Variants in SOX5 observed in about 807,000 individuals in gnomAD.
SOX5 encodes the protein SRY-box transcription factor 5.
A neutral mutation model predicts 92.0 loss-of-function variants in SOX5; 9 were observed. The ratio of observed to expected loss-of-function variants is 0.10; its 90% CI spans 0.06 to 0.17. The LOEUF is 0.17. SOX5 is among the 10% of genes least tolerant of loss of function. SOX5 has a pLI of 1.00. For synonymous variants in SOX5, 344 were observed against 336.3 expected (o/e 1.02, Z -0.25); for missense variants, 642 against 944.5 (o/e 0.68, Z 4.20).
At chr12:24,041,775 T>C (rs528940181) in intron 4 of SOX5, among the ~76,000 whole-genome samples, 49 of 152,216 alleles carry the variant, frequency 3.2e-4, no homozygotes, top group African/African-American at 1.2e-3. Flanking sequence ...ATAATAACAT[T>C]AGATAACATT....
chr12:23,626,717 A>C (rs1272825044), intron 8 of SOX5, among the ~76,000 whole-genome samples: 2 of 133,012 alleles, frequency 1.5e-5, no homozygotes. Context: ...CATGAGATAT[A>C]GGTAGATAGC....
chr12:23,731,676 C>T (rs1050152423), intron 6 of SOX5, among the ~76,000 whole-genome samples: 1 of 152,156 alleles, frequency 6.6e-6, no homozygotes. Context: ...CCAGCTCTAA[C>T]TCTTATCAAT....
In SOX5 at chr12:24,506,784, C is replaced by CTTTTTTTTT. The variant is rs386375924; in HGVS notation, c.-251+55536_-251+55544dup. Among the ~76,000 whole-genome samples, 82 of 81,762 alleles carry CTTTTTTTTT rather than the reference C, an allele frequency of 1.0e-3. 5 individuals are homozygous for CTTTTTTTTT. Among genetic ancestry groups the CTTTTTTTTT allele is most frequent in the Non-Finnish European group, 1.2e-3 (56 of 45,146 alleles). 53.6% of individuals were successfully genotyped at this position (81,762 alleles called of 152,430 possible). ...CTGTATTTCATGGTATCCAAATGGT[C>CTTTTTTTTT]TTTTTTTTTTTTTTTTTTTTTTGGA... is the stretch of plus-strand genomic sequence containing the variant. On this transcript the variant is annotated intron_variant, in intron 1 of 4. Coordinates refer to the SOX5 transcript ENST00000446891.
chr12:24,039,820 A>G (rs1956357203), intron 4 of SOX5, among the ~76,000 whole-genome samples: 1 of 152,220 alleles, frequency 6.6e-6, no homozygotes, highest in Non-Finnish European at 1.5e-5. Flanking sequence ...TAATCAAGGA[A>G]AAGTCATTCA....
At chr12:23,686,306 T>C (rs2087573939) in intron 6 of SOX5, among the ~76,000 whole-genome samples, 1 of 152,224 alleles carries the variant, frequency 6.6e-6, no homozygotes, top group Non-Finnish European at 1.5e-5. Context: ...GGGCCAATTT[T>C]CCAATGTTAT....
intron 4 of SOX5, among the ~76,000 whole-genome samples, chr12:24,122,593 A>C (rs1354433616): frequency 6.6e-6 from 1 of 152,212 alleles, no homozygotes; most frequent in Non-Finnish European, 1.5e-5. Flanking sequence ...CAGAATGTTT[A>C]ATCTATATCC....
intron 6 of SOX5, among the ~76,000 whole-genome samples, chr12:23,701,798 AG>A (rs927083285): frequency 9.9e-5 from 15 of 152,084 alleles, no homozygotes; most frequent in African/African-American, 2.9e-4. Flanking sequence ...TCACGGATCA[AG>A]GGGAGCTCCT....
intron 6 of SOX5, among the ~76,000 whole-genome samples, chr12:23,721,860 T>C (rs2092834940): frequency 6.6e-6 from 1 of 152,198 alleles, no homozygotes; most frequent in Non-Finnish European, 1.5e-5. Flanking sequence ...TCCATGAATA[T>C]GGTTATTATT....
intron 3 of SOX5, among the ~76,000 whole-genome samples, chr12:23,766,227 C>T (rs1217726310): frequency 6.6e-6 from 1 of 152,116 alleles, no homozygotes; most frequent in Non-Finnish European, 1.5e-5. Context: ...GGAGCAGTTT[C>T]TCATCTTGTC....
chr12:23,777,877 C>G (rs1185920494), intron 3 of SOX5, among the ~76,000 whole-genome samples: 1 of 152,204 alleles, frequency 6.6e-6, no homozygotes, highest in African/African-American at 2.4e-5. Context: ...GATGAGATTG[C>G]TATTCCCTTA....
At chr12:24,269,679 A>G (rs1253472480) in intron 3 of SOX5, among the ~76,000 whole-genome samples, 1 of 120,682 alleles carries the variant, frequency 8.3e-6, no homozygotes, top group South Asian at 2.6e-4. Context: ...ACATTTCTTT[A>G]TTTTTATTCT....
intron 4 of SOX5, among the ~76,000 whole-genome samples, chr12:24,161,587 G>C (rs1295917568): frequency 6.6e-6 from 1 of 152,058 alleles, no homozygotes; most frequent in East Asian, 1.9e-4. Flanking sequence ...AAAAAGTCAG[G>C]AGATGAGAGG....
intron 4 of SOX5, among the ~76,000 whole-genome samples, chr12:24,190,464 G>A (rs1324847880): frequency 6.6e-6 from 1 of 152,140 alleles, no homozygotes; most frequent in Non-Finnish European, 1.5e-5. Flanking sequence ...AGCCCTGTCC[G>A]ATTGCTCTTT....
intron 6 of SOX5, among the ~76,000 whole-genome samples, chr12:23,722,145 A>T (rs1028888719): frequency 1.6e-4 from 25 of 152,190 alleles, no homozygotes; most frequent in African/African-American, 5.5e-4. Context: ...GAGCATAAAA[A>T]ATTGTTATTT....
intron 7 of SOX5, among the ~76,000 whole-genome samples, chr12:23,661,937 C>G (rs1245144921): frequency 2.6e-5 from 4 of 152,208 alleles, no homozygotes; most frequent in Middle Eastern, 3.4e-3. Flanking sequence ...TAAATTATCT[C>G]TTATACAGTC....
intron 1 of SOX5, among the ~76,000 whole-genome samples, chr12:23,928,387 A>C (rs1320368387): frequency 6.6e-6 from 1 of 152,010 alleles, no homozygotes; most frequent in Non-Finnish European, 1.5e-5. Flanking sequence ...GTTACACTTT[A>C]ACTGAAATAG....
intron 4 of SOX5, among the ~76,000 whole-genome samples, chr12:24,056,424 A>G (rs2137201003): frequency 6.6e-6 from 1 of 152,372 alleles, no homozygotes; most frequent in Non-Finnish European, 1.5e-5. Flanking sequence ...AAGTCAGACT[A>G]TAGTTTTCAA....
intron 4 of SOX5, among the ~76,000 whole-genome samples, chr12:24,093,324 A>G (rs1021549443): frequency 6.6e-6 from 1 of 152,040 alleles, no homozygotes. Context: ...GATCGAGACC[A>G]TCCTGGCTAA....
At chr12:24,238,414 T>C (rs549378523) in intron 3 of SOX5, among the ~76,000 whole-genome samples, 7 of 152,304 alleles carry the variant, frequency 4.6e-5, no homozygotes, top group East Asian at 1.9e-4. Context: ...TACAGGGGCA[T>C]GACCTCAGGT....
Sources: allele counts gnomAD v4.1 joint callset (sites outside exome capture counted in the v4.1 genomes callset), GRCh38; gene constraint gnomAD v4.1.1; transcripts MANE v1.5; gene names NCBI Gene and HGNC (gene_info 2026-07-23, HGNC 2026-07-21).